Variants in PTK7 observed in about 807,000 individuals in gnomAD.
PTK7 encodes the protein protein tyrosine kinase 7 (inactive).
A neutral mutation model predicts 116.6 loss-of-function variants in PTK7; 39 were observed. The ratio of observed to expected loss-of-function variants is 0.33; its 90% CI spans 0.26 to 0.44. The LOEUF is 0.44. Among genes scored for constraint, PTK7 ranks in the 20% least tolerant of loss-of-function variants. PTK7 has a pLI of 1.00. For missense variants in PTK7, 1,169 were observed against 1,425.6 expected (o/e 0.82, Z 2.90); for synonymous variants, 546 against 563.6 (o/e 0.97, Z 0.44).
chr6:43,129,715 C>T lies in PTK7; in HGVS notation c.368-12C>T. On this transcript the variant is annotated splice_polypyrimidine_tract_variant and intron_variant, in intron 2 of 19. Transcript: ENST00000230419. The surrounding 1 kb of genome is among the most constrained non-coding windows in gnomAD (Gnocchi z 4.5). ...GCTCTGCCCCTCACTGCAACCGTGG[C>T]CTCTGCTACAGGGATTGAGGCAGGT... 1 of 1,613,166 alleles carries T rather than the reference C, an allele frequency of 6.2e-7. No homozygotes were observed. Among genetic ancestry groups the T allele is most frequent in the Non-Finnish European group, 8.5e-7 (1 of 1,179,142 alleles).
At chr6:43,118,657 CTCTATATATATATATATA>C (rs1419345804) in intron 1 of PTK7, among the ~76,000 whole-genome samples, 2,064 of 61,050 alleles carry the variant, frequency 0.034, 33 homozygotes, top group Non-Finnish European at 0.048. Flanking sequence ...CTCTCTCTCT[CTCTATATATATATATATA>C]TATATATATA....
intron 1 of PTK7, among the ~76,000 whole-genome samples, chr6:43,078,376 C>T (rs935420889): frequency 1.3e-5 from 2 of 152,082 alleles, no homozygotes; most frequent in Non-Finnish European, 2.9e-5. Context: ...AACAAAGGAA[C>T]ATTTTAATGA....
intron 1 of PTK7, among the ~76,000 whole-genome samples, chr6:43,108,116 G>A (rs561821633): frequency 7.4e-6 from 1 of 134,302 alleles, no homozygotes; most frequent in Admixed American, 7.7e-5. Context: ...TTTTTTTTGA[G>A]ACAGTCTCGC....
At chr6:43,108,094 CTT>C (rs1327874500) in intron 1 of PTK7, among the ~76,000 whole-genome samples, 23 of 137,338 alleles carry the variant, frequency 1.7e-4, no homozygotes, top group African/African-American at 1.4e-4. Flanking sequence ...GCTGCTTTAA[CTT>C]TTTTTTTTTT....
intron 13 of PTK7, chr6:43,142,546 T>A: frequency 1.6e-6 from 1 of 613,762 alleles, no homozygotes. Context: ...GGGTGTTCTC[T>A]TCCTACAATG....
intron 1 of PTK7, among the ~76,000 whole-genome samples, chr6:43,123,616 A>C (rs1239179110): frequency 9.7e-6 from 1 of 103,516 alleles, no homozygotes; most frequent in Non-Finnish European, 2.0e-5. Flanking sequence ...GTGGGGGTGG[A>C]GGGCAGGCAC....
intron 1 of PTK7, among the ~76,000 whole-genome samples, chr6:43,104,967 C>A (rs977808228): frequency 4.6e-5 from 7 of 152,014 alleles, no homozygotes; most frequent in Non-Finnish European, 8.8e-5. Context: ...TGCCCGCCAC[C>A]ATGCTCAGCT....
rs1770456684 is a variant in PTK7 at position 43,142,162 on chromosome 6, C to A, written c.1920-10C>A. On this transcript the variant is annotated splice_polypyrimidine_tract_variant and intron_variant, in intron 12 of 19. Transcript: ENST00000230419. ...CGAGCTGGCCAGCACTATGGCTTCT[C>A]CCCCGACAGGATGCACATCTTCCAG... 1.9e-6 allele frequency: 3 copies of A among 1,613,718 alleles called. No homozygotes were observed. The highest frequency in any genetic ancestry group is 2.5e-6 in the Non-Finnish European group (3 of 1,179,928).
At chr6:43,097,469 C>T (rs765430590) in intron 1 of PTK7, among the ~76,000 whole-genome samples, 1 of 152,210 alleles carries the variant, frequency 6.6e-6, no homozygotes, top group African/African-American at 2.4e-5. Flanking sequence ...GTCAAAATTA[C>T]ATAGACGATT....
intron 1 of PTK7, among the ~76,000 whole-genome samples, chr6:43,091,268 C>G (rs1212662050): frequency 1.3e-5 from 2 of 151,812 alleles, no homozygotes; most frequent in Non-Finnish European, 2.9e-5. Flanking sequence ...TCAAGTGACC[C>G]TCCTGGCTCA....
intron 19 of PTK7, 138 bp from the exon 20 acceptor site, chr6:43,160,583 G>A (rs965225394): frequency 3.7e-5 from 40 of 1,083,560 alleles, no homozygotes; most frequent in South Asian, 3.0e-4. Context: ...TTTCCGTTGC[G>A]GGTACCCACC....
Position 43,076,997 on chromosome 6 carries a change from C to T in PTK7, c.79+430C>T, listed in dbSNP as rs543453810. On this transcript the variant is annotated intron_variant, in intron 1 of 19. Coordinates refer to ENST00000230419, the MANE Select transcript of PTK7 (RefSeq NM_002821.5). The surrounding 1 kb of genome is among the most constrained non-coding windows in gnomAD (Gnocchi z 5.7). The stretch of plus-strand genomic sequence containing the variant: ...GCAGGGTCGGCCCAGGTAAGAGTTG[C>T]TGGTTTGGGGCCCGATGCCGGACAG... 6.8e-7 allele frequency: 1 copy of T among 1,464,970 alleles called. No homozygotes were observed. The highest frequency in any genetic ancestry group is 1.4e-5 in the African/African-American group (1 of 70,692). The allele number at this position is 1,464,970 out of a possible 1,614,324, so 90.7% of individuals were successfully genotyped here.
Position 43,143,458 on chromosome 6 carries a change from C to A in PTK7, c.2089C>A (p.Pro697Thr), listed in dbSNP as rs763433674. 1.2e-6 allele frequency: 2 copies of A among 1,613,990 alleles called. No individual in the cohort carries two copies. Among genetic ancestry groups the A allele is most frequent in the Non-Finnish European group, 1.7e-6 (2 of 1,180,014 alleles). Residue 697 changes from proline (P) to threonine (T), a missense_variant, in exon 14 of 20, where the codon CCC (proline) becomes ACC (threonine). Pro to Thr is a conservative substitution (Grantham distance 38). Transcript: ENST00000230419. This position sits in a 1 kb window ranked among gnomAD's most constrained non-coding sequence, Gnocchi z 4.2. ...GGAGTCGGAGGGCCCTGGCAGCCCT[C>A]CCCCCTACAAGATGATCCAGACCAT... ...PEESEGPGSP[P>T]PYKMIQTIGL...
At chr6:43,149,638 G>A (rs1770955348) in intron 17 of PTK7, among the ~76,000 whole-genome samples, 1 of 152,056 alleles carries the variant, frequency 6.6e-6, no homozygotes, top group African/African-American at 2.4e-5. Flanking sequence ...GGATCCCTTG[G>A]GCCCAGGAGT....
chr6:43,090,185 G>A lies in PTK7; in HGVS notation c.79+13618G>A, dbSNP rs371521096. Among the ~76,000 whole-genome samples the A allele has an allele frequency of 2.6e-3, 397 of 152,356 alleles. 4 individuals are homozygous for A. The highest frequency in any genetic ancestry group is 8.5e-3 in the African/African-American group (354 of 41,576). On this transcript the variant is annotated intron_variant, in intron 1 of 19. Coordinates refer to ENST00000230419, the MANE Select transcript of PTK7 (RefSeq NM_002821.5). ...AAAGGGGTAGGAGAGCGTGGGCTCAGCCTAGCCTTGGTGCAGGTGGCACCG... is the reference window on the plus strand; with the variant it reads ...AAAGGGGTAGGAGAGCGTGGGCTCAACCTAGCCTTGGTGCAGGTGGCACCG...
At chr6:43,107,401 T>C (rs891611940) in intron 1 of PTK7, among the ~76,000 whole-genome samples, 3 of 152,242 alleles carry the variant, frequency 2.0e-5, no homozygotes, top group African/African-American at 4.8e-5. Context: ...GTGTGATGTT[T>C]AGCAAACTGC....
rs1769540990 is a variant in PTK7, at chr6:43,129,773, T to G, written c.414T>G (p.Ala138=). ...PVVLKHPASE[A]EIQPQTQVTL... is the part of the protein sequence containing the mutation. ...TCCTGAAGCATCCAGCCTCGGAAGC[T>G]GAGATCCAGCCACAGACCCAGGTCA... The change falls in exon 3 of 20, where the codon GCT becomes GCG. Residue 138 remains alanine (A), a synonymous_variant. Coordinates refer to ENST00000230419, the MANE Select transcript of PTK7 (RefSeq NM_002821.5). This position sits in a 1 kb window ranked among gnomAD's most constrained non-coding sequence, Gnocchi z 4.5. The G allele has an allele frequency of 6.2e-7, 1 of 1,614,156 alleles. No homozygotes were observed. The highest frequency in any genetic ancestry group is 2.2e-5 in the East Asian group (1 of 44,890).
intron 1 of PTK7, among the ~76,000 whole-genome samples, chr6:43,077,491 C>T (rs934288987): frequency 6.6e-6 from 1 of 152,212 alleles, no homozygotes; most frequent in Non-Finnish European, 1.5e-5. Context: ...GCACCGCCCC[C>T]CCAACTCCCG....
chr6:43,078,385 GA>G (rs1326632257), intron 1 of PTK7, among the ~76,000 whole-genome samples: 1 of 152,166 alleles, frequency 6.6e-6, no homozygotes, highest in African/African-American at 2.4e-5. Context: ...ACATTTTAAT[GA>G]GAGCCTTAAA....
Sources: allele counts gnomAD v4.1 joint callset (sites outside exome capture counted in the v4.1 genomes callset), GRCh38; gene constraint gnomAD v4.1.1; non-coding constraint Gnocchi (gnomAD v3.1); transcripts MANE v1.5; gene names NCBI Gene and HGNC (gene_info 2026-07-23, HGNC 2026-07-21).